Variants in RSPO3 observed in about 807,000 individuals in gnomAD.
The protein encoded by RSPO3 is R-spondin-3.
RSPO3 carries 17 observed loss-of-function variants against 36.5 expected under a neutral mutation model. The observed-to-expected ratio is 0.47, with a 90% CI of 0.32 to 0.70. The LOEUF (loss-of-function observed/expected upper bound fraction) is 0.70, where lower values mean the gene tolerates loss of function less well. Ranked by LOEUF, RSPO3 falls within the 30% of genes least tolerant of loss-of-function variation. RSPO3 has a pLI of 0.04. For synonymous variants in RSPO3, 108 were observed against 107.0 expected, an observed-to-expected ratio of 1.01 and a Z score of -0.06; for missense variants, 294 against 322.5, an observed-to-expected ratio of 0.91 and a Z score of 0.68.
chr6:127,164,160 C>G (rs546272712), intron 4 of RSPO3, among the ~76,000 whole-genome samples: 6 of 152,150 alleles, frequency 3.9e-5, no homozygotes, highest in African/African-American at 1.4e-4. Flanking sequence ...TCCAATGGAC[C>G]CTACTTTGAA....
chr6:127,164,571 A>G (rs1562248757), intron 4 of RSPO3, among the ~76,000 whole-genome samples: 1 of 152,044 alleles, frequency 6.6e-6, no homozygotes, highest in Non-Finnish European at 1.5e-5. Flanking sequence ...CTTTAAATGA[A>G]TAGAAAAAAT....
chr6:127,160,169 T>C (rs1174848912), intron 4 of RSPO3, among the ~76,000 whole-genome samples: 1 of 152,224 alleles, frequency 6.6e-6, no homozygotes, highest in African/African-American at 2.4e-5. Context: ...CAGTTTCATA[T>C]GGTTCAACCT....
At chr6:127,143,584 T>G (rs1774322187) in intron 1 of RSPO3, among the ~76,000 whole-genome samples, 2 of 152,216 alleles carry the variant, frequency 1.3e-5, no homozygotes, top group Non-Finnish European at 2.9e-5. Flanking sequence ...TATCTGGCAC[T>G]TCTTTTCAAC....
At chr6:127,129,658 C>T (rs1479540960) in intron 1 of RSPO3, among the ~76,000 whole-genome samples, 4 of 151,880 alleles carry the variant, frequency 2.6e-5, no homozygotes, top group African/African-American at 9.7e-5. Flanking sequence ...ATTTTTTTCC[C>T]AATAGGTTAT....
intron 1 of RSPO3, among the ~76,000 whole-genome samples, chr6:127,143,986 G>A (rs1159340345): frequency 1.3e-5 from 2 of 152,180 alleles, no homozygotes; most frequent in Non-Finnish European, 2.9e-5. Context: ...AGGAATGGTT[G>A]CATCAGTTAT....
At chr6:127,163,355 A>T (rs1354333927) in intron 4 of RSPO3, among the ~76,000 whole-genome samples, 3 of 152,112 alleles carry the variant, frequency 2.0e-5, no homozygotes, top group African/African-American at 7.2e-5. Flanking sequence ...TTCTTTCCAT[A>T]GATAATTATC....
chr6:127,192,705 A>G (rs543869661), intron 4 of RSPO3: 1 of 985,138 alleles, frequency 1.0e-6, no homozygotes, highest in African/African-American at 1.7e-5. Context: ...AACCCAGTTC[A>G]GGCAGGTACG....
At chr6:127,119,431 G>A in intron 1 of RSPO3, 142 bp downstream of exon 1, 2 of 651,634 alleles carry the variant, frequency 3.1e-6, no homozygotes, top group Non-Finnish European at 5.5e-6. Context: ...CGGGCTTTGG[G>A]GGTATGGACG....
chr6:127,122,990 T>C (rs769525540), intron 1 of RSPO3, among the ~76,000 whole-genome samples: 2 of 152,098 alleles, frequency 1.3e-5, no homozygotes, highest in African/African-American at 4.8e-5. Flanking sequence ...ATTATATGCA[T>C]AATAATTTAA....
intron 4 of RSPO3, among the ~76,000 whole-genome samples, chr6:127,178,593 C>T (rs1012524005): frequency 1.3e-5 from 2 of 151,782 alleles, no homozygotes; most frequent in East Asian, 1.9e-4. Flanking sequence ...CACACAAACA[C>T]ACACATGTTT....
chr6:127,186,498 C>G (rs968563730), intron 4 of RSPO3, among the ~76,000 whole-genome samples: 8 of 152,134 alleles, frequency 5.3e-5, no homozygotes, highest in African/African-American at 1.9e-4. Flanking sequence ...GATAAGTCAA[C>G]ACATTTAAGT....
intron 1 of RSPO3, among the ~76,000 whole-genome samples, chr6:127,147,830 A>G (rs1774417814): frequency 1.3e-5 from 2 of 152,172 alleles, no homozygotes; most frequent in African/African-American, 4.8e-5. Flanking sequence ...GAGTAAGTAG[A>G]AGATAAGGGC....
At chr6:127,144,116 T>C (rs1721278462) in intron 1 of RSPO3, among the ~76,000 whole-genome samples, 1 of 152,206 alleles carries the variant, frequency 6.6e-6, no homozygotes, top group African/African-American at 2.4e-5. Context: ...AAGTTATGTA[T>C]CAGTGTACAC....
rs1774471331 is a variant in RSPO3 at position 127,150,535 on chromosome 6, G to T, written c.399G>T (p.Leu133Phe). 1 of 1,611,804 alleles carries T rather than the reference G, an allele frequency of 6.2e-7. No individual in the cohort carries two copies. Among genetic ancestry groups the T allele is most frequent in the Non-Finnish European group, 8.5e-7 (1 of 1,178,764 alleles). ...GKCLDNCPEG[L>F]EANNHTMECV... ...GCCTTGACAATTGCCCAGAAGGGTT[G>T]GAAGCCAACAACCATACTATGGAGT... Residue 133 changes from leucine to phenylalanine, a missense_variant, in exon 3 of 5, where the codon TTG becomes TTT. Physicochemically the swap from Leu to Phe is conservative, Grantham distance 22. Coordinates refer to ENST00000356698, the MANE Select transcript of RSPO3 (RefSeq NM_032784.5).
chr6:127,141,199 T>C (rs1774262939), intron 1 of RSPO3, among the ~76,000 whole-genome samples: 1 of 152,222 alleles, frequency 6.6e-6, no homozygotes, highest in South Asian at 2.1e-4. Context: ...GTTTCCACAG[T>C]GTATCCATAT....
Position 127,196,669 on chromosome 6 carries a change from T to C in RSPO3, c.*662T>C, listed in dbSNP as rs1775522255. The C allele has an allele frequency of 6.6e-6, 1 of 152,268 alleles. No homozygotes were observed. The highest frequency in any genetic ancestry group is 2.4e-5 in the African/African-American group (1 of 41,460). 9.4% of individuals were successfully genotyped at this position (152,268 alleles called of 1,614,324 possible). On this transcript the variant is annotated 3_prime_UTR_variant, in exon 5 of 5. Transcript: ENST00000356698. ...AGAAATCATAGAGCTGGAGACTACT[T>C]TTGTGCTTTACAAAACTGTGAAGGA...
rs71543112 is a variant in RSPO3 at position 127,180,487 on chromosome 6, CAAAAAAAAAAAAA to C, written c.635-15320_635-15308del. ...AAAGTGGAAAATATCTGGAAGAAAA[CAAAAAAAAAAAAA>C]AAAAAAAAAAAAAAACCACCAGATC... is the stretch of plus-strand genomic sequence containing the variant. On this transcript the variant is annotated intron_variant, in intron 4 of 4. Coordinates refer to ENST00000356698, the MANE Select transcript of RSPO3 (RefSeq NM_032784.5). Among the ~76,000 whole-genome samples, 22 of 42,646 alleles carry C rather than the reference CAAAAAAAAAAAAA, an allele frequency of 5.2e-4. 1 individual carries two copies. Among genetic ancestry groups the C allele is most frequent in the South Asian group, 3.6e-3 (2 of 560 alleles). 28.0% of individuals were successfully genotyped at this position (42,646 alleles called of 152,430 possible). A position where few individuals can be genotyped will look rare whatever the true frequency, so the allele number is the denominator to read the frequency against.
intron 1 of RSPO3, among the ~76,000 whole-genome samples, chr6:127,126,638 T>C (rs1453767713): frequency 6.6e-6 from 1 of 152,124 alleles, no homozygotes; most frequent in African/African-American, 2.4e-5. Flanking sequence ...CAAGTTTACA[T>C]AAGGTATAAA....
At chr6:127,180,487 C>CAAAAAAAAAAAAAAAAAAAAAAAAAAAAA (rs71543112) in intron 4 of RSPO3, among the ~76,000 whole-genome samples, 3 of 42,642 alleles carry the variant, frequency 7.0e-5, no homozygotes, top group Non-Finnish European at 8.5e-5. Flanking sequence ...TGGAAGAAAA[C>CAAAAAAAAAAAAAAAAAAAAAAAAAAAAA]AAAAAAAAAA....
Sources: gnomAD v4.1 joint callset for allele counts (sites outside exome capture counted in the v4.1 genomes callset) on GRCh38, gnomAD v4.1.1 for gene constraint, MANE v1.5 for transcripts, NCBI Gene and HGNC (gene_info 2026-07-23, HGNC 2026-07-21) for gene names.